The following EPHB4 variants were observed in gnomAD, a reference collection of about 807,000 sequenced individuals.
EPHB4 encodes EPH receptor B4, also known as ephrin type-B receptor 4.
A neutral mutation model predicts 110.6 loss-of-function variants in EPHB4; 50 were observed. The ratio of observed to expected loss-of-function variants is 0.45; its 90% CI spans 0.36 to 0.57. EPHB4 has a LOEUF of 0.57. Ranked by LOEUF, EPHB4 falls within the 20% of genes least tolerant of loss-of-function variation. The pLI is 0.00. For synonymous variants in EPHB4, 592 were observed against 578.4 expected (o/e 1.02, Z -0.34); for missense variants, 1,128 against 1,382.1 (o/e 0.82, Z 2.91).
chr7:100,816,307 A>C (rs960936245), intron 8 of EPHB4, among the ~76,000 whole-genome samples: 1 of 151,428 alleles, frequency 6.6e-6, no homozygotes, highest in African/African-American at 2.4e-5. Context: ...CTCAGGGGTC[A>C]GGTTGTTGCT....
rs1812966015 is a variant in EPHB4 at position 100,812,734 on chromosome 7, G to A, written c.2118+13C>T. On this transcript the variant is annotated intron_variant, in intron 12 of 16. Coordinates refer to ENST00000358173, the MANE Select transcript of EPHB4 (RefSeq NM_004444.5). ...AACTCCGGGTGGCCGCAGAAGCCAG[G>A]GAGGGTGCTCACCCGCAGGAAGGAG... 2 of 1,609,054 alleles carry A rather than the reference G, an allele frequency of 1.2e-6. No homozygotes were observed. The highest frequency in any genetic ancestry group is 1.7e-5 in the Admixed American group (1 of 59,928).
At chr7:100,820,946 G>A (rs969499247) in intron 4 of EPHB4, 2 of 152,000 alleles carry the variant, frequency 1.3e-5, no homozygotes, top group African/African-American at 4.8e-5. Flanking sequence ...CCAACATGGT[G>A]GAAACCTGCC....
Position 100,803,217 on chromosome 7 carries a change from A to G in EPHB4, c.*244T>C. 2.7e-6 allele frequency: 1 copy of G among 373,740 alleles called. No homozygotes were observed. Among genetic ancestry groups the G allele is most frequent in the Non-Finnish European group, 4.8e-6 (1 of 209,180 alleles). The allele number at this position is 373,740 out of a possible 1,614,324, so 23.2% of individuals were successfully genotyped here. ...TTGGGCACTTCCTTTTCCTCTGGTCACACCCAGTCCTGAGGGAAAGGCGCC... is the reference window on the plus strand; with the variant it reads ...TTGGGCACTTCCTTTTCCTCTGGTCGCACCCAGTCCTGAGGGAAAGGCGCC... On this transcript the variant is annotated 3_prime_UTR_variant, in exon 17 of 17. Coordinates refer to ENST00000358173, the MANE Select transcript of EPHB4 (RefSeq NM_004444.5).
At chr7:100,814,100 T>C in intron 8 of EPHB4, 79 bp from the exon 9 acceptor site, 16 of 1,496,102 alleles carry the variant, frequency 1.1e-5, no homozygotes, top group Non-Finnish European at 1.5e-5. Flanking sequence ...AGCAATGAAC[T>C]GTGATCTCCT....
chr7:100,817,183 C>G lies in EPHB4; in HGVS notation c.1588+9G>C. Reference sequence around the variant, plus strand: ...CAACCCCCACCCTCACCCCCTTCCCCAGGCTCACCATCCAGTTGGGTCTGG... The same window carrying G: ...CAACCCCCACCCTCACCCCCTTCCCGAGGCTCACCATCCAGTTGGGTCTGG... On this transcript the variant is annotated intron_variant, in intron 8 of 16. Coordinates refer to ENST00000358173, the MANE Select transcript of EPHB4 (RefSeq NM_004444.5). The G allele has an allele frequency of 6.6e-7, 1 of 1,525,322 alleles. No individual in the cohort carries two copies. 94.5% of individuals were successfully genotyped at this position (1,525,322 alleles called of 1,614,324 possible). A position where few individuals can be genotyped will look rare whatever the true frequency, so the allele number is the denominator to read the frequency against.
intron 12 of EPHB4, among the ~76,000 whole-genome samples, chr7:100,808,900 T>C (rs141186297): frequency 6.6e-6 from 1 of 152,270 alleles, no homozygotes; most frequent in East Asian, 1.9e-4. Flanking sequence ...GGTCAGGGTA[T>C]AGACCTCAGA....
In EPHB4 at chr7:100,818,569, C is replaced by T. The variant is rs542863867; in HGVS notation, c.1373G>A (p.Arg458Gln). The T allele has an allele frequency of 1.5e-4, 241 of 1,613,878 alleles. No individual in the cohort carries two copies. The highest frequency in any genetic ancestry group is 1.8e-4 in the Non-Finnish European group (211 of 1,180,012). Reference protein sequence around the residue: ...SSLSLAWAVPRAPSGAVLDYE... With the variant: ...SSLSLAWAVPQAPSGAVLDYE... ...GTCCAGCACAGCCCCACTGGGTGCC[C>T]GGGGAACAGCCCAGGCCAGGCTCAA... Residue 458 changes from arginine to glutamine, a missense_variant, in exon 7 of 17, where the codon CGG becomes CAG. Physicochemically the swap from Arg to Gln is conservative, Grantham distance 43. Coordinates refer to ENST00000358173, the MANE Select transcript of EPHB4 (RefSeq NM_004444.5).
At chr7:100,817,160 AC>A in intron 8 of EPHB4, 31 bp downstream of exon 8, 2 of 1,478,192 alleles carry the variant, frequency 1.4e-6, no homozygotes, top group Non-Finnish European at 1.8e-6. Flanking sequence ...GGTCTTTCCA[AC>A]CCCCACCCTC....
intron 1 of EPHB4, chr7:100,826,725 G>A (rs1813407894): frequency 1.7e-5 from 7 of 413,798 alleles, no homozygotes; most frequent in Non-Finnish European, 3.1e-5. Context: ...GTGAGAGTTC[G>A]GGGAGCCCGG....
intron 7 of EPHB4, among the ~76,000 whole-genome samples, chr7:100,817,859 G>GTTTTTTTTTTTTTTTTT (rs33978512): frequency 2.1e-5 from 1 of 47,090 alleles, no homozygotes; most frequent in African/African-American, 8.0e-5. Context: ...TATTTTTTGC[G>GTTTTTTTTTTTTTTTTT]TTTTTTTTTT....
At chr7:100,806,338 C>T (rs2116416196) in intron 14 of EPHB4, 82 bp downstream of exon 14, 1 of 1,508,772 alleles carries the variant, frequency 6.6e-7, no homozygotes, top group East Asian at 2.3e-5. Flanking sequence ...GCAGTGATGA[C>T]TCTCTGGGAA....
At position 100,803,226 on chromosome 7, in the gene EPHB4, C is replaced by A; in HGVS notation, c.*235G>T. 1 of 421,532 alleles carries A rather than the reference C, an allele frequency of 2.4e-6. No individual in the cohort carries two copies. The highest frequency in any genetic ancestry group is 4.2e-6 in the Non-Finnish European group (1 of 237,868). The allele number at this position is 421,532 out of a possible 1,614,324, so 26.1% of individuals were successfully genotyped here. On this transcript the variant is annotated 3_prime_UTR_variant, in exon 17 of 17. Transcript: ENST00000358173. The stretch of plus-strand genomic sequence containing the variant: ...TCCTTTTCCTCTGGTCACACCCAGT[C>A]CTGAGGGAAAGGCGCCCTCACCCTT...
intron 12 of EPHB4, among the ~76,000 whole-genome samples, chr7:100,812,500 A>G (rs1218318469): frequency 6.6e-6 from 1 of 152,112 alleles, no homozygotes; most frequent in Non-Finnish European, 1.5e-5. Context: ...GAGGCAGGAG[A>G]ATCGCTTGAA....
intron 16 of EPHB4, among the ~76,000 whole-genome samples, chr7:100,804,535 G>A (rs1236981805): frequency 3.3e-5 from 5 of 150,960 alleles, no homozygotes; most frequent in Non-Finnish European, 7.4e-5. Context: ...CAATGGTCTC[G>A]AACTCCTAAC....
At position 100,827,046 on chromosome 7, in the gene EPHB4, G is replaced by C; in HGVS notation, c.-16C>G. 1 of 1,575,182 alleles carries C rather than the reference G, an allele frequency of 6.3e-7. No homozygotes were observed. Among genetic ancestry groups the C allele is most frequent in the South Asian group, 1.2e-5 (1 of 85,832 alleles). On this transcript the variant is annotated 5_prime_UTR_variant, in exon 1 of 17. Transcript: ENST00000358173. ...GGAGCTCCATGGCGCCGCCTCACTCGGGTAGGATCCGAACTGAGTTTGGGG... is the reference window on the plus strand; with the variant it reads ...GGAGCTCCATGGCGCCGCCTCACTCCGGTAGGATCCGAACTGAGTTTGGGG...
Position 100,827,117 on chromosome 7 carries a change from C to T in EPHB4, c.-87G>A. ...TGACTCTCCCTGGGCGGGTGGACGC[C>T]GATACTCCGCGCGGGACTCCTCGTC... On this transcript the variant is annotated 5_prime_UTR_variant, in exon 1 of 17. Transcript: ENST00000358173. 1 of 1,417,736 alleles carries T rather than the reference C, an allele frequency of 7.1e-7. No individual in the cohort carries two copies. The highest frequency in any genetic ancestry group is 1.3e-5 in the South Asian group (1 of 78,268). The allele number at this position is 1,417,736 out of a possible 1,614,324, so 87.8% of individuals were successfully genotyped here.
chr7:100,827,159 GC>G lies in EPHB4; in HGVS notation c.-130del. On this transcript the variant is annotated 5_prime_UTR_variant, in exon 1 of 17. An upstream open reading frame in the 5' UTR loses its in-frame stop. Transcript: ENST00000358173. Reference sequence around the variant, plus strand: ...CTCCTCGTCGGGGCCCTCAGCGCGGGCCCATGCGAGCGTGCGGGGCACCGGG... The same window carrying G: ...CTCCTCGTCGGGGCCCTCAGCGCGGGCCATGCGAGCGTGCGGGGCACCGGG... The G allele has an allele frequency of 1.1e-6, 1 of 946,264 alleles. No individual in the cohort carries two copies. The highest frequency in any genetic ancestry group is 1.5e-6 in the Non-Finnish European group (1 of 682,336). 58.6% of individuals were successfully genotyped at this position (946,264 alleles called of 1,614,324 possible).
chr7:100,813,961 AC>A lies in EPHB4; in HGVS notation c.1648del (p.Val550SerfsTer54). The A allele has an allele frequency of 6.2e-7, 1 of 1,614,098 alleles. No homozygotes were observed. The highest frequency in any genetic ancestry group is 1.7e-5 in the Admixed American group (1 of 60,016). On this transcript the variant is annotated frameshift_variant, in exon 9 of 17. Transcript: ENST00000358173. LOFTEE classifies it high-confidence loss of function. ...GACCACAATGACCACCAGGACCAGG[AC>A]CACACCCACGACTGCCGTGCCCGCA... ...LIAGTAVVGV[V>X]LVLVVIVVAV...
Position 100,813,945 on chromosome 7 carries a change from G to T in EPHB4, c.1665C>A (p.Val555=). 6.2e-7 allele frequency: 1 copy of T among 1,614,134 alleles called. No homozygotes were observed. The highest frequency in any genetic ancestry group is 8.5e-7 in the Non-Finnish European group (1 of 1,180,036). The part of the protein sequence containing the change: ...AVVGVVLVLV[V]IVVAVLCLRK... ...TGAGGCAGAGAACTGCGACCACAAT[G>T]ACCACCAGGACCAGGACCACACCCA... Residue 555 remains valine, a synonymous_variant, in exon 9 of 17, where the codon GTC becomes GTA. Transcript: ENST00000358173.
Sources: allele counts gnomAD v4.1 joint callset (sites outside exome capture counted in the v4.1 genomes callset), GRCh38; gene constraint gnomAD v4.1.1; transcripts MANE v1.5; gene names NCBI Gene and HGNC (gene_info 2026-07-23, HGNC 2026-07-21).